The following CORO7 variants were observed in gnomAD, a reference collection of about 807,000 sequenced individuals.
CORO7 encodes coronin-7.
CORO7 carries 107 observed loss-of-function variants against 126.6 expected under a neutral mutation model. The ratio of observed to expected loss-of-function variants is 0.85; its 90% CI spans 0.72 to 0.99. CORO7 has a LOEUF of 0.99. CORO7 is among the 50% of genes least tolerant of loss of function. The probability of loss-of-function intolerance (pLI) is 0.00; values close to 1 mark genes in which losing one functional copy is unlikely to be tolerated. For synonymous variants in CORO7, 603 were observed against 536.8 expected, an observed-to-expected ratio of 1.12 and a Z score of -1.70; for missense variants, 1,314 against 1,255.8, an observed-to-expected ratio of 1.05 and a Z score of -0.70.
intron 7 of CORO7, among the ~76,000 whole-genome samples, chr16:4,392,361 C>T (rs910078359): frequency 1.3e-5 from 2 of 152,154 alleles, no homozygotes; most frequent in Non-Finnish European, 2.9e-5. Flanking sequence ...ATCCGACTCT[C>T]GGGGTCTGCA....
At chr16:4,370,185 A>T (rs537762004) in intron 9 of CORO7, among the ~76,000 whole-genome samples, 1 of 152,210 alleles carries the variant, frequency 6.6e-6, no homozygotes, top group African/African-American at 2.4e-5. Context: ...GCATCTGTGG[A>T]TGCTTCTGAG....
rs1182532929 is a variant in CORO7, at chr16:4,362,934, C to T, written c.1276-196G>A. 40 of 562,374 alleles carry T rather than the reference C, an allele frequency of 7.1e-5. No homozygotes were observed. The East Asian group carries it at 1.3e-3, about 18-fold the overall frequency. 34.8% of individuals were successfully genotyped at this position (562,374 alleles called of 1,614,324 possible). ...AGGGAAGCAGCCGAGCTTCAGACCG[C>T]GGGGACAGCAAGTGGCAGCTGCTGG... On this transcript the variant is annotated intron_variant, in intron 14 of 27. Transcript: ENST00000251166. The surrounding 1 kb of genome is among the most constrained non-coding windows in gnomAD (Gnocchi z 5.3).
chr16:4,359,417 C>T (rs776338024), intron 22 of CORO7, 32 bp from the exon 23 acceptor site: 35 of 1,613,344 alleles, frequency 2.2e-5, no homozygotes, highest in South Asian at 8.8e-5. Context: ...GGGAACCCTC[C>T]GGCAACACTG....
intron 6 of CORO7, among the ~76,000 whole-genome samples, chr16:4,398,153 C>T (rs565841892): frequency 7.2e-5 from 11 of 152,032 alleles, no homozygotes; most frequent in African/African-American, 2.4e-4. Context: ...CTCCTGGCCT[C>T]GAGTAATCCT....
rs529618664 is a variant in CORO7, at chr16:4,415,698, ACACT to A, written c.60+757_60+760del. The stretch of plus-strand genomic sequence containing the variant: ...AACTCCTAGGCCCAGTTATCGGAGG[ACACT>A]CCCAGGCCTTACAAATAACACGGAA... On this transcript the variant is annotated intron_variant, in intron 1 of 27. Transcript: ENST00000251166. 3.6e-3 allele frequency: 3,523 copies of A among 985,348 alleles called. 7 individuals carry two copies. The highest frequency in any genetic ancestry group is 6.3e-3 in the Admixed American group (103 of 16,266). 61.0% of individuals were successfully genotyped at this position (985,348 alleles called of 1,614,324 possible). A position where few individuals can be genotyped will look rare whatever the true frequency, so the allele number is the denominator to read the frequency against.
chr16:4,364,141 GC>G (rs1289693374), intron 14 of CORO7, 134 bp downstream of exon 14: 16 of 1,218,136 alleles, frequency 1.3e-5, no homozygotes, highest in Non-Finnish European at 1.7e-5. Flanking sequence ...AGCCGAGGTT[GC>G]GCCACTGCAC....
At position 4,354,869 on chromosome 16, in the gene CORO7, G is replaced by T. The variant is rs1216373847; in HGVS notation, c.*289C>A. 1 of 414,632 alleles carries T rather than the reference G, an allele frequency of 2.4e-6. No individual in the cohort carries two copies. The highest frequency in any genetic ancestry group is 4.3e-6 in the Non-Finnish European group (1 of 234,182). The allele number at this position is 414,632 out of a possible 1,614,324, so 25.7% of individuals were successfully genotyped here. The stretch of plus-strand genomic sequence containing the variant: ...GCAGTGAGACCAGGGGAGACAGGGT[G>T]CCCAGGGCCTGCCCAGGGACATGCT... On this transcript the variant is annotated 3_prime_UTR_variant, in exon 28 of 28. Coordinates refer to ENST00000251166, the MANE Select transcript of CORO7 (RefSeq NM_024535.5).
intron 1 of CORO7, among the ~76,000 whole-genome samples, chr16:4,414,898 A>C (rs2056350045): frequency 6.6e-6 from 1 of 151,746 alleles, no homozygotes; most frequent in South Asian, 2.1e-4. Context: ...GTCTCACTCT[A>C]TTGCCCAGGC....
intron 1 of CORO7, among the ~76,000 whole-genome samples, chr16:4,416,123 G>A (rs2056402560): frequency 6.6e-6 from 1 of 152,230 alleles, no homozygotes; most frequent in East Asian, 1.9e-4. Context: ...TCCCGGCGAG[G>A]CCGACCGGAA....
chr16:4,365,350 T>C lies in CORO7; in HGVS notation c.840+141A>G, dbSNP rs989314020. 10 of 1,280,648 alleles carry C rather than the reference T, an allele frequency of 7.8e-6. No individual in the cohort carries two copies. The African/African-American group carries it at 1.3e-4, about 17-fold the overall frequency. 79.3% of individuals were successfully genotyped at this position (1,280,648 alleles called of 1,614,324 possible). A position where few individuals can be genotyped will look rare whatever the true frequency, so the allele number is the denominator to read the frequency against. On this transcript the variant is annotated intron_variant, in intron 10 of 27. Coordinates refer to ENST00000251166, the MANE Select transcript of CORO7 (RefSeq NM_024535.5). ...TCGGCCTTGTTCTCAGGAAGGCCAG[T>C]GTTCTAGGAGAGCTACAGTCACCTT... is the stretch of plus-strand genomic sequence containing the variant.
At chr16:4,368,295 C>T (rs900815483) in intron 9 of CORO7, among the ~76,000 whole-genome samples, 5 of 151,880 alleles carry the variant, frequency 3.3e-5, no homozygotes, top group African/African-American at 1.2e-4. Flanking sequence ...TGCAGTGAGC[C>T]GAGATGGCAC....
At chr16:4,415,873 C>A (rs1308836889) in intron 1 of CORO7, 12 of 985,402 alleles carry the variant, frequency 1.2e-5, no homozygotes, top group Non-Finnish European at 1.3e-5. Context: ...CCCCACCCAG[C>A]CGTGGCAGCA....
intron 20 of CORO7, 38 bp downstream of exon 20, chr16:4,360,406 C>G: frequency 6.2e-7 from 1 of 1,613,238 alleles, no homozygotes. Context: ...CACCCCTGAA[C>G]CAGGTCTGAG....
At chr16:4,415,187 A>G (rs1266704813) in intron 1 of CORO7, among the ~76,000 whole-genome samples, 1 of 152,096 alleles carries the variant, frequency 6.6e-6, no homozygotes, top group Non-Finnish European at 1.5e-5. Context: ...CTGCACTGCA[A>G]TCAGAATAAA....
intron 9 of CORO7, among the ~76,000 whole-genome samples, chr16:4,370,542 C>T (rs1411775942): frequency 6.6e-6 from 1 of 152,230 alleles, no homozygotes; most frequent in African/African-American, 2.4e-5. Flanking sequence ...AAGGCCAGCC[C>T]CAACCCAGGA....
rs377100693 is a variant in CORO7, at chr16:4,367,219, C to T, written c.786-1674G>A. ...GCAGGGTGAGCCGGGCTCAGCAATGCCCTTTGCATCCCGGCCTGACCACTG... is the reference window on the plus strand; with the variant it reads ...GCAGGGTGAGCCGGGCTCAGCAATGTCCTTTGCATCCCGGCCTGACCACTG... On this transcript the variant is annotated intron_variant, in intron 9 of 27. Coordinates refer to ENST00000251166, the MANE Select transcript of CORO7 (RefSeq NM_024535.5). 4.6e-5 allele frequency among the ~76,000 whole-genome samples: 7 copies of T among 152,322 alleles called. 1 individual carries two copies. The highest frequency in any genetic ancestry group is 1.7e-4 in the African/African-American group (7 of 41,574).
intron 24 of CORO7, 42 bp from the exon 25 acceptor site, chr16:4,358,145 T>C (rs2054040172): frequency 6.3e-7 from 1 of 1,589,984 alleles, no homozygotes; most frequent in African/African-American, 1.3e-5. Context: ...ATTGACCAGG[T>C]GCCCAGGGCA....
intron 1 of CORO7, among the ~76,000 whole-genome samples, 183 bp downstream of exon 1, chr16:4,416,276 T>C (rs931431747): frequency 2.0e-5 from 3 of 152,022 alleles, no homozygotes; most frequent in African/African-American, 7.2e-5. Flanking sequence ...TGCCGGACTC[T>C]GCCCTCCGGC....
Position 4,412,427 on chromosome 16 carries a change from A to G in CORO7, c.161T>C (p.Val54Ala), listed in dbSNP as rs2056246243. ...GCCTTGCAGAGGCACAATGCCCAGTACACCTGTTAAACAAACACGGGGACT... is the reference window on the plus strand; with the variant it reads ...GCCTTGCAGAGGCACAATGCCCAGTGCACCTGTTAAACAAACACGGGGACT... ...LIAFNSDRPG[V>A]LGIVPLQGQG... is the part of the protein sequence containing the mutation. Residue 54 changes from valine (V) to alanine (A), a missense_variant, in exon 3 of 28, where the codon GTA becomes GCA. By Grantham distance (64) the Val-to-Ala change is moderately conservative. Coordinates refer to ENST00000251166, the MANE Select transcript of CORO7 (RefSeq NM_024535.5). 6.2e-7 allele frequency: 1 copy of G among 1,614,060 alleles called. No homozygotes were observed. Among genetic ancestry groups the G allele is most frequent in the African/African-American group, 1.3e-5 (1 of 74,922 alleles).
Sources: gnomAD v4.1 joint callset for allele counts (sites outside exome capture counted in the v4.1 genomes callset) on GRCh38, gnomAD v4.1.1 for gene constraint, Gnocchi (gnomAD v3.1) non-coding constraint, MANE v1.5 for transcripts, NCBI Gene and HGNC (gene_info 2026-07-23, HGNC 2026-07-21) for gene names.